The following CCNF variants were observed in gnomAD, a reference collection of about 807,000 sequenced individuals.
CCNF encodes the protein cyclin-F.
In CCNF, 30 loss-of-function variants were observed where a neutral mutation model predicts 85.4. That is an observed-to-expected ratio of 0.35 (90% CI 0.26 to 0.48). The LOEUF is 0.48. Ranked by LOEUF, CCNF falls within the 20% of genes least tolerant of loss-of-function variation. The pLI, the probability that CCNF is intolerant of heterozygous loss-of-function variation, is 0.99. For missense variants in CCNF, 919 were observed against 1,010.4 expected (o/e 0.91, Z 1.23); for synonymous variants, 439 against 425.1 (o/e 1.03, Z -0.40).
chr16:2,451,787 C>T lies in CCNF; in HGVS notation c.1488-1423C>T, dbSNP rs980502676. Among the ~76,000 whole-genome samples the T allele has an allele frequency of 6.6e-6, 1 of 152,188 alleles. No homozygotes were observed. Among genetic ancestry groups the T allele is most frequent in the Non-Finnish European group, 1.5e-5 (1 of 68,018 alleles). ...CTTCGGCTTCCTGCCCTAGGCCATG[C>T]GGCCTAGGTGTTGGTCTCCCTTCCC... On this transcript the variant is annotated intron_variant, in intron 13 of 16. Coordinates refer to ENST00000397066, the MANE Select transcript of CCNF (RefSeq NM_001761.3). The surrounding 1 kb of genome is among the most constrained non-coding windows in gnomAD (Gnocchi z 4.3).
intron 6 of CCNF, among the ~76,000 whole-genome samples, chr16:2,438,957 C>T (rs1350528621): frequency 6.6e-6 from 1 of 151,266 alleles, no homozygotes; most frequent in Non-Finnish European, 1.5e-5. Context: ...AAGATCGTGC[C>T]ACTATACTTT....
rs766340988 is a variant in CCNF, at chr16:2,448,845, G to C, written c.1095-10G>C. 1 of 1,613,284 alleles carries C rather than the reference G, an allele frequency of 6.2e-7. No individual in the cohort carries two copies. Among genetic ancestry groups the C allele is most frequent in the Non-Finnish European group, 8.5e-7 (1 of 1,179,406 alleles). The stretch of plus-strand genomic sequence containing the variant: ...GGGCTCCACCCTGAGACCCCTTCTC[G>C]GCGTTGCAGGTTTATCAGTAAAGAG... On this transcript the variant is annotated splice_polypyrimidine_tract_variant and intron_variant, in intron 10 of 16. Coordinates refer to ENST00000397066, the MANE Select transcript of CCNF (RefSeq NM_001761.3).
chr16:2,433,744 C>A (rs1467278619), intron 3 of CCNF, among the ~76,000 whole-genome samples: 1 of 152,158 alleles, frequency 6.6e-6, no homozygotes, highest in East Asian at 1.9e-4. Flanking sequence ...CGCTACCACG[C>A]CCATCTAATT....
At chr16:2,447,323 G>A (rs1177786043) in intron 10 of CCNF, among the ~76,000 whole-genome samples, 1 of 148,500 alleles carries the variant, frequency 6.7e-6, no homozygotes, top group Non-Finnish European at 1.5e-5. Flanking sequence ...GGTGGCTCAC[G>A]CCTGTAATCC....
chr16:2,433,589 G>A (rs979130454), intron 3 of CCNF, among the ~76,000 whole-genome samples: 4 of 152,110 alleles, frequency 2.6e-5, no homozygotes, highest in South Asian at 2.1e-4. Flanking sequence ...TTTTGTTTTC[G>A]TTTTTGTTTT....
chr16:2,449,344 C>G lies in CCNF; in HGVS notation c.1281C>G (p.Thr427=), dbSNP rs2065380022. 1 of 1,613,646 alleles carries G rather than the reference C, an allele frequency of 6.2e-7. No individual in the cohort carries two copies. Among genetic ancestry groups the G allele is most frequent in the Non-Finnish European group, 8.5e-7 (1 of 1,179,940 alleles). Residue 427 remains threonine (T), a synonymous_variant, in exon 12 of 17, where the codon ACC becomes ACG. Transcript: ENST00000397066. The part of the protein sequence containing the change: ...LLTLVPVELR[T]QHLCSFLCEL... ...CGCTAGTCCCTGTGGAGCTGAGAAC[C>G]CAGCACCTGTGCAGCTTCCTCTGCG... is the stretch of plus-strand genomic sequence containing the variant.
chr16:2,455,705 C>G, intron 16 of CCNF, 141 bp downstream of exon 16: 1 of 1,347,324 alleles, frequency 7.4e-7, no homozygotes, highest in South Asian at 1.9e-5. Flanking sequence ...GCTCCTGCCC[C>G]GCCGGGGAGT....
Position 2,453,528 on chromosome 16 carries a change from G to A in CCNF, c.1706G>A (p.Arg569Lys). 6.2e-7 allele frequency: 1 copy of A among 1,614,008 alleles called. No individual in the cohort carries two copies. Among genetic ancestry groups the A allele is most frequent in the East Asian group, 2.2e-5 (1 of 44,878 alleles). Residue 569 changes from arginine to lysine, a missense_variant, in exon 15 of 17, where the codon AGA becomes AAA. Arg to Lys is a conservative substitution (Grantham distance 26). Coordinates refer to ENST00000397066, the MANE Select transcript of CCNF (RefSeq NM_001761.3). This position sits in a 1 kb window ranked among gnomAD's most constrained non-coding sequence, Gnocchi z 5.6. ...HAFLSSPSGR[R>K]TKRKRENSLQ... is the part of the protein sequence containing the mutation. ...TTCCTCAGCTCTCCCTCGGGGCGGA[G>A]AACCAAACGGTTAGTTACCCTGCGT...
At position 2,457,168 on chromosome 16, in the gene CCNF, C is replaced by T. The variant is rs2065434290; in HGVS notation, c.*148C>T. On this transcript the variant is annotated 3_prime_UTR_variant, in exon 17 of 17. Coordinates refer to ENST00000397066, the MANE Select transcript of CCNF (RefSeq NM_001761.3). Reference sequence around the variant, plus strand: ...CTTGCGGCCACCAAGTTTCTGTCTCCGCGGGAGTCCCGTGCAAGCCATCAG... The same window carrying T: ...CTTGCGGCCACCAAGTTTCTGTCTCTGCGGGAGTCCCGTGCAAGCCATCAG... 8.4e-6 allele frequency: 5 copies of T among 597,786 alleles called. No homozygotes were observed. The highest frequency in any genetic ancestry group is 3.4e-5 in the Admixed American group (1 of 29,784). 37.0% of individuals were successfully genotyped at this position (597,786 alleles called of 1,614,324 possible).
Position 2,458,254 on chromosome 16 carries a change from T to C in CCNF, c.*1234T>C, listed in dbSNP as rs988296368. The C allele has an allele frequency of 1.5e-5, 2 of 132,796 alleles. No homozygotes were observed. The highest frequency in any genetic ancestry group is 3.2e-5 in the Non-Finnish European group (2 of 61,924). 8.2% of individuals were successfully genotyped at this position (132,796 alleles called of 1,614,324 possible). A position where few individuals can be genotyped will look rare whatever the true frequency, so the allele number is the denominator to read the frequency against. On this transcript the variant is annotated 3_prime_UTR_variant, in exon 17 of 17. Transcript: ENST00000397066. ...TTGGCCAGAAGTGTCCCCCAGATGC[T>C]TTTTTTTTTTTTTTTTTGGAGACAG... is the stretch of plus-strand genomic sequence containing the variant.
At chr16:2,435,690 TA>T (rs2065287137) in intron 3 of CCNF, 115 bp from the exon 4 acceptor site, 1 of 354,724 alleles carries the variant, frequency 2.8e-6, no homozygotes, top group Non-Finnish European at 5.3e-6. Flanking sequence ...TATATATATA[TA>T]TATATATATA....
intron 10 of CCNF, among the ~76,000 whole-genome samples, chr16:2,448,298 G>C (rs1012255724): frequency 6.6e-6 from 1 of 152,206 alleles, no homozygotes; most frequent in Non-Finnish European, 1.5e-5. Flanking sequence ...CAGGGCACTT[G>C]GGCCTTTTGC....
intron 15 of CCNF, among the ~76,000 whole-genome samples, chr16:2,455,083 C>T (rs77093646): frequency 1.6e-5 from 2 of 122,796 alleles, no homozygotes; most frequent in Non-Finnish European, 3.5e-5. Flanking sequence ...AAAAAAAAAA[C>T]ACTGGAAGGT....
rs1039034118 is a variant in CCNF at position 2,456,930 on chromosome 16, G to C, written c.2271G>C (p.Glu757Asp). The C allele has an allele frequency of 2.5e-6, 4 of 1,614,114 alleles. No homozygotes were observed. Among genetic ancestry groups the C allele is most frequent in the Non-Finnish European group, 3.4e-6 (4 of 1,180,016 alleles). Residue 757 changes from glutamate to aspartate, a missense_variant, in exon 17 of 17, where the codon GAG (glutamate) becomes GAC (aspartate). Physicochemically the swap from Glu to Asp is conservative, Grantham distance 45. Coordinates refer to ENST00000397066, the MANE Select transcript of CCNF (RefSeq NM_001761.3). This position sits in a 1 kb window ranked among gnomAD's most constrained non-coding sequence, Gnocchi z 4.5. ...CLQCRPPSPP[E>D]SSVPQQQVKR... ...AGTGTCGTCCCCCAAGTCCCCCGGA[G>C]AGCAGTGTTCCCCAGCAACAGGTGA...
In CCNF at chr16:2,451,296, T is replaced by C. The variant is rs1480001012; in HGVS notation, c.1487+1381T>C. Among the ~76,000 whole-genome samples, 2 of 151,906 alleles carry C rather than the reference T, an allele frequency of 1.3e-5. No individual in the cohort carries two copies. The highest frequency in any genetic ancestry group is 2.4e-5 in the African/African-American group (1 of 41,326). On this transcript the variant is annotated intron_variant, in intron 13 of 16. Coordinates refer to ENST00000397066, the MANE Select transcript of CCNF (RefSeq NM_001761.3). This position sits in a 1 kb window ranked among gnomAD's most constrained non-coding sequence, Gnocchi z 4.3. ...AGCCGGGGTCACCTGGGCATCTGAG[T>C]CCAGGGCAAAGGGGGCAGCCATGCC...
In CCNF at chr16:2,435,068, G is replaced by A. The variant is rs982448301; in HGVS notation, c.279-738G>A. Among the ~76,000 whole-genome samples the A allele has an allele frequency of 4.0e-5, 6 of 151,682 alleles. 1 individual carries two copies. The highest frequency in any genetic ancestry group is 4.2e-4 in the South Asian group (2 of 4,804). On this transcript the variant is annotated intron_variant, in intron 3 of 16. Transcript: ENST00000397066. ...AGATCGAGACCATCCTGGCTAACATGGTGAAACCCCGTCTCTACTAAAAAT... is the reference window on the plus strand; with the variant it reads ...AGATCGAGACCATCCTGGCTAACATAGTGAAACCCCGTCTCTACTAAAAAT...
chr16:2,439,290 G>A (rs975005138), intron 6 of CCNF, 63 bp from the exon 7 acceptor site: 170 of 1,398,086 alleles, frequency 1.2e-4, no homozygotes, highest in Middle Eastern at 2.5e-4. Flanking sequence ...GAGTGAAACT[G>A]TCTCAAAAAA....
intron 15 of CCNF, 66 bp from the exon 16 acceptor site, chr16:2,455,329 T>A: frequency 6.7e-7 from 1 of 1,482,318 alleles, no homozygotes; most frequent in Non-Finnish European, 9.0e-7. Context: ...GAGGCAGGTG[T>A]GGAGGGCCTG....
intron 9 of CCNF, 88 bp from the exon 10 acceptor site, chr16:2,445,370 G>T: frequency 7.0e-7 from 1 of 1,422,532 alleles, no homozygotes; most frequent in Non-Finnish European, 9.8e-7. Context: ...CAGCTTATTT[G>T]GTCGGGCCCA....
Sources: gnomAD v4.1 joint callset for allele counts (sites outside exome capture counted in the v4.1 genomes callset) on GRCh38, gnomAD v4.1.1 for gene constraint, Gnocchi (gnomAD v3.1) non-coding constraint, MANE v1.5 for transcripts, NCBI Gene and HGNC (gene_info 2026-07-23, HGNC 2026-07-21) for gene names.